Variants in SMOC2 observed in about 807,000 individuals in gnomAD.
The protein encoded by SMOC2 is SPARC related modular calcium binding 2, also known as SPARC-related modular calcium-binding protein 2.
A neutral mutation model predicts 61.4 loss-of-function variants in SMOC2; 39 were observed. The observed-to-expected ratio is 0.64, with a 90% CI of 0.49 to 0.83. SMOC2 has a LOEUF of 0.83. Ranked by LOEUF, SMOC2 falls within the 40% of genes least tolerant of loss-of-function variation. SMOC2 has a pLI of 0.00. For synonymous variants in SMOC2, 247 were observed against 239.9 expected, an observed-to-expected ratio of 1.03 and a Z score of -0.27; for missense variants, 556 against 592.9, an observed-to-expected ratio of 0.94 and a Z score of 0.65.
chr6:168,531,151 A>C (rs1275621082), intron 4 of SMOC2, among the ~76,000 whole-genome samples: 2 of 152,148 alleles, frequency 1.3e-5, no homozygotes, highest in African/African-American at 4.8e-5. Context: ...GAAGACCAGC[A>C]GGGAGTGATG....
chr6:168,589,155 G>A (rs1394208184), intron 7 of SMOC2, among the ~76,000 whole-genome samples: 5 of 151,638 alleles, frequency 3.3e-5, no homozygotes, highest in East Asian at 1.9e-4. Flanking sequence ...TAAACTAGAC[G>A]TGAATTATGT....
chr6:168,561,961 C>T (rs1286395877), intron 7 of SMOC2, among the ~76,000 whole-genome samples: 1 of 25,648 alleles, frequency 3.9e-5, no homozygotes, highest in Non-Finnish European at 6.1e-5. Flanking sequence ...CCCTGAGACA[C>T]GAGGCTCTCA....
chr6:168,598,724 C>A, intron 7 of SMOC2, 94 bp from the exon 8 acceptor site: 1 of 1,408,452 alleles, frequency 7.1e-7, no homozygotes, highest in Non-Finnish European at 9.9e-7. Context: ...AGGACCACAT[C>A]GTTCTTGGCA....
chr6:168,545,601 A>G (rs1170153010), intron 5 of SMOC2, among the ~76,000 whole-genome samples: 1 of 152,136 alleles, frequency 6.6e-6, no homozygotes, highest in Non-Finnish European at 1.5e-5. Context: ...CAGGAAGGAG[A>G]GCGGCCTCTG....
At chr6:168,526,551 G>A (rs1783459686) in intron 3 of SMOC2, 99 bp downstream of exon 3, 28 of 909,992 alleles carry the variant, frequency 3.1e-5, no homozygotes, top group Non-Finnish European at 4.8e-5. Flanking sequence ...CCGAACAGAA[G>A]AAGCAGCGGG....
In SMOC2 at chr6:168,509,954, T is replaced by G; in HGVS notation, c.124T>G (p.Leu42Val). Residue 42 changes from leucine to valine, a missense_variant, in exon 2 of 13, where the codon TTG becomes GTG. Transcript: ENST00000356284. ...VDQDKDKDCS[L>V]DCAGSPQKPL... ...TCAAGATAAAGACAAGGATTGTAGC[T>G]TGGACTGTGCGGGTTCGCCCCAGAA... 6.2e-7 allele frequency: 1 copy of G among 1,614,020 alleles called. No homozygotes were observed. The highest frequency in any genetic ancestry group is 8.5e-7 in the Non-Finnish European group (1 of 1,179,892).
rs568636756 is a variant in SMOC2 at position 168,664,496 on chromosome 6, GCGCCAC to G, written c.1323+388_1323+393del. 63 of 403,220 alleles carry G rather than the reference GCGCCAC, an allele frequency of 1.6e-4. No homozygotes were observed. In the East Asian group the frequency reaches 4.2e-3, roughly 27 times the overall value. 25.0% of individuals were successfully genotyped at this position (403,220 alleles called of 1,614,324 possible). On this transcript the variant is annotated intron_variant, in intron 12 of 12. Coordinates refer to ENST00000356284, the MANE Select transcript of SMOC2 (RefSeq NM_001166412.2). ...GCAATCCACCTGGGATTACAGGCATGCGCCACCGTACCCGGCTGAATTTTTTCAAGC... is the reference window on the plus strand; with the variant it reads ...GCAATCCACCTGGGATTACAGGCATGCGTACCCGGCTGAATTTTTTCAAGC...
At chr6:168,467,310 G>GA (rs1562543252) in intron 1 of SMOC2, among the ~76,000 whole-genome samples, 1 of 145,880 alleles carries the variant, frequency 6.9e-6, no homozygotes, top group East Asian at 2.0e-4. Context: ...CCCTGCTAAG[G>GA]TTTTTTTTTT....
chr6:168,607,869 T>TCCAACCCTGCAACGGGAGGAGGGGGAGGG (rs1440562829), intron 8 of SMOC2, among the ~76,000 whole-genome samples: 1 of 56,680 alleles, frequency 1.8e-5, no homozygotes, highest in African/African-American at 6.3e-5. Flanking sequence ...TGTGGGTGCT[T>TCCAACCCTGCAACGGGAGGAGGGGGAGGG]GGCAGCTGCT....
At position 168,548,325 on chromosome 6, in the gene SMOC2, C is replaced by A. The variant is rs1784053330; in HGVS notation, c.563-804C>A. ...CTTCTTCAGGGTCTGTGCTCTCAAG[C>A]ACTAACGGTGACCTGCACTACATTC... On this transcript the variant is annotated intron_variant, in intron 6 of 12. Transcript: ENST00000356284. 4.6e-5 allele frequency among the ~76,000 whole-genome samples: 7 copies of A among 150,996 alleles called. No individual in the cohort carries two copies. The South Asian group carries it at 1.0e-3, about 23-fold the overall frequency.
chr6:168,519,828 T>A (rs1323212738), intron 2 of SMOC2, among the ~76,000 whole-genome samples: 1 of 152,246 alleles, frequency 6.6e-6, no homozygotes, highest in African/African-American at 2.4e-5. Context: ...GTTTCTTGTA[T>A]AAATATTATA....
At chr6:168,636,947 C>T (rs1020798690) in intron 9 of SMOC2, among the ~76,000 whole-genome samples, 1 of 122,422 alleles carries the variant, frequency 8.2e-6, no homozygotes, top group African/African-American at 3.2e-5. Flanking sequence ...CCTCCCTCTT[C>T]CCTCCTCTTT....
intron 2 of SMOC2, among the ~76,000 whole-genome samples, chr6:168,515,906 G>C (rs1182345912): frequency 6.6e-6 from 1 of 152,238 alleles, no homozygotes; most frequent in African/African-American, 2.4e-5. Flanking sequence ...AGGTAAAAGA[G>C]GGAGCACAGG....
chr6:168,586,261 G>GC (rs1785045130), intron 7 of SMOC2, among the ~76,000 whole-genome samples: 1 of 151,942 alleles, frequency 6.6e-6, no homozygotes. Flanking sequence ...TTATTGAATT[G>GC]TTTTGGTGCC....
intron 9 of SMOC2, among the ~76,000 whole-genome samples, chr6:168,649,098 T>C (rs1263768452): frequency 6.6e-6 from 1 of 152,148 alleles, no homozygotes; most frequent in African/African-American, 2.4e-5. Flanking sequence ...CCTCCTCATC[T>C]CAGACAATCC....
At chr6:168,562,377 CAAGGCTCTCACTGCATTCTTGGAG>C (rs1784438099) in intron 7 of SMOC2, among the ~76,000 whole-genome samples, 1 of 93,448 alleles carries the variant, frequency 1.1e-5, no homozygotes, top group Non-Finnish European at 2.3e-5. Flanking sequence ...CCCTGAGACA[CAAGGCTCTCACTGCATTCTTGGAG>C]GAGGTGTCAT....
At chr6:168,518,501 GTGAA>G (rs1195613341) in intron 2 of SMOC2, among the ~76,000 whole-genome samples, 5 of 150,982 alleles carry the variant, frequency 3.3e-5, no homozygotes, top group East Asian at 1.9e-4. Flanking sequence ...GTGTGCATGT[GTGAA>G]TGTGTGTAAA....
At chr6:168,547,058 C>T in intron 5 of SMOC2, 61 bp from the exon 6 acceptor site, 2 of 1,606,762 alleles carry the variant, frequency 1.2e-6, no homozygotes, top group Non-Finnish European at 1.7e-6. Flanking sequence ...CGTATGCACA[C>T]TTACTTAACT....
At chr6:168,590,031 G>A (rs1265021117) in intron 7 of SMOC2, among the ~76,000 whole-genome samples, 9 of 18,948 alleles carry the variant, frequency 4.7e-4, no homozygotes, top group African/African-American at 1.9e-3. Context: ...GGGAGCAGCC[G>A]GTCTGGTGGT....
Sources: gnomAD v4.1 joint callset for allele counts (sites outside exome capture counted in the v4.1 genomes callset) on GRCh38, gnomAD v4.1.1 for gene constraint, MANE v1.5 for transcripts, NCBI Gene and HGNC (gene_info 2026-07-23, HGNC 2026-07-21) for gene names.